Variants in SMIM35 observed in about 807,000 individuals in gnomAD.
SMIM35 encodes TMPRSS4 antisense RNA 1 (non-protein coding).
At chr11:118,071,444 G>T (rs1944569671) in intron 1 of SMIM35, among the ~76,000 whole-genome samples, 1 of 152,226 alleles carries the variant, frequency 6.6e-6, no homozygotes, top group African/African-American at 2.4e-5. Context: ...AGCCTGCTTT[G>T]CATCCCCTCA....
At chr11:118,031,734 T>G (rs2058321853) in intron 1 of SMIM35, 1 of 151,948 alleles carries the variant, frequency 6.6e-6, no homozygotes, top group Non-Finnish European at 1.5e-5. Flanking sequence ...AATAATAACT[T>G]TACAGATGGG....
At chr11:118,027,427 A>G (rs746514668) in intron 1 of SMIM35, among the ~76,000 whole-genome samples, 1 of 152,138 alleles carries the variant, frequency 6.6e-6, no homozygotes, top group African/African-American at 2.4e-5. Context: ...CCTAATAGTT[A>G]AGTAATCACC....
intron 2 of SMIM35, among the ~76,000 whole-genome samples, 160 bp from the exon 3 acceptor site, chr11:118,014,901 C>A (rs1421261356): frequency 6.6e-6 from 1 of 152,060 alleles, no homozygotes. Flanking sequence ...CCTTCAGGGC[C>A]CCCCATTAAC....
chr11:118,031,747 G>A (rs956926721), intron 1 of SMIM35: 1 of 152,042 alleles, frequency 6.6e-6, no homozygotes, highest in Non-Finnish European at 1.5e-5. Context: ...CAGATGGGAA[G>A]CTTGGCAAAC....
intron 1 of SMIM35, among the ~76,000 whole-genome samples, chr11:118,051,063 A>G (rs932475170): frequency 3.3e-5 from 5 of 152,182 alleles, no homozygotes; most frequent in African/African-American, 1.2e-4. Flanking sequence ...TGTGTGAGGG[A>G]GGTAGAGGCA....
intron 1 of SMIM35, chr11:118,029,518 A>G: frequency 7.8e-6 from 3 of 385,570 alleles, no homozygotes; most frequent in South Asian, 1.9e-5. Context: ...AGCTGGGGGA[A>G]GTTCTGCCAA....
intron 1 of SMIM35, among the ~76,000 whole-genome samples, chr11:118,065,859 G>A (rs887103996): frequency 4.6e-5 from 7 of 152,004 alleles, no homozygotes; most frequent in African/African-American, 7.3e-5. Context: ...TTCTTTGTTC[G>A]AAGCACAAAG....
intron 1 of SMIM35, among the ~76,000 whole-genome samples, chr11:118,072,973 T>A (rs1000273430): frequency 1.3e-5 from 2 of 152,248 alleles, no homozygotes. Flanking sequence ...CAGGCTGGAG[T>A]GCAGTGGCAA....
At chr11:118,026,294 T>A (rs2058273231) in intron 1 of SMIM35, among the ~76,000 whole-genome samples, 1 of 152,150 alleles carries the variant, frequency 6.6e-6, no homozygotes, top group Non-Finnish European at 1.5e-5. Context: ...GATGAGGGAG[T>A]ATTTCCTCAA....
chr11:118,069,600 TAC>T (rs1325947747), intron 1 of SMIM35, among the ~76,000 whole-genome samples: 1 of 152,190 alleles, frequency 6.6e-6, no homozygotes, highest in Non-Finnish European at 1.5e-5. Context: ...TTAGTTAGAA[TAC>T]TGCCATGGCT....
intron 1 of SMIM35, among the ~76,000 whole-genome samples, chr11:118,045,270 G>T (rs1298789846): frequency 1.3e-5 from 2 of 151,492 alleles, no homozygotes; most frequent in African/African-American, 4.8e-5. Flanking sequence ...ACGTTTTAAA[G>T]ATCAGTTCAA....
intron 1 of SMIM35, among the ~76,000 whole-genome samples, chr11:118,055,990 T>C (rs1191058569): frequency 6.6e-6 from 1 of 151,696 alleles, no homozygotes; most frequent in Non-Finnish European, 1.5e-5. Flanking sequence ...GGATGGTCAG[T>C]AGTCAGTTGC....
intron 1 of SMIM35, among the ~76,000 whole-genome samples, chr11:118,064,324 G>A (rs1025912690): frequency 2.6e-5 from 4 of 152,150 alleles, no homozygotes; most frequent in African/African-American, 9.7e-5. Flanking sequence ...GATCAGATAG[G>A]CACCAATCTG....
At chr11:118,030,178 G>A (rs767411118) in intron 1 of SMIM35, among the ~76,000 whole-genome samples, 1 of 152,066 alleles carries the variant, frequency 6.6e-6, no homozygotes, top group Non-Finnish European at 1.5e-5. Context: ...GGGATTACAG[G>A]CATGCATCAC....
rs57261529 is a variant in SMIM35, at chr11:118,048,946, C to CAAAAAAAAA, written c.8-33146_8-33138dup. Among the ~76,000 whole-genome samples the CAAAAAAAAA allele has an allele frequency of 5.5e-4, 33 of 60,484 alleles. 4 individuals are homozygous for CAAAAAAAAA. Among genetic ancestry groups the CAAAAAAAAA allele is most frequent in the African/African-American group, 2.1e-3 (29 of 13,720 alleles). The allele number at this position is 60,484 out of a possible 152,430, so 39.7% of individuals were successfully genotyped here. A position where few individuals can be genotyped will look rare whatever the true frequency, so the allele number is the denominator to read the frequency against. ...GCCTATCGCCTAGGCTGAAGAGCTG[C>CAAAAAAAAA]AAAAAAAAAAAAAAAAAAGCAAGTG... On this transcript the variant is annotated intron_variant, in intron 1 of 4. Coordinates refer to ENST00000689828, the MANE Select transcript of SMIM35 (RefSeq NM_001394165.1).
At chr11:118,083,548 T>G (rs1474933239) in intron 1 of SMIM35, among the ~76,000 whole-genome samples, 1 of 152,164 alleles carries the variant, frequency 6.6e-6, no homozygotes, top group South Asian at 2.1e-4. Context: ...CCATTAACAA[T>G]AAATAATTTT....
chr11:118,018,452 C>T (rs910193207), intron 1 of SMIM35, among the ~76,000 whole-genome samples: 4 of 152,162 alleles, frequency 2.6e-5, no homozygotes, highest in South Asian at 4.2e-4. Flanking sequence ...AACTAAGAGG[C>T]CAAGGTCAAA....
intron 1 of SMIM35, among the ~76,000 whole-genome samples, chr11:118,063,026 G>T (rs527523755): frequency 6.6e-6 from 1 of 152,144 alleles, no homozygotes; most frequent in African/African-American, 2.4e-5. Context: ...CCAGCGCCAA[G>T]ACGGTTTACA....
chr11:118,021,224 G>A (rs1019603834), intron 1 of SMIM35, among the ~76,000 whole-genome samples: 1 of 152,074 alleles, frequency 6.6e-6, no homozygotes, highest in African/African-American at 2.4e-5. Flanking sequence ...GGAAATTATT[G>A]TGAATGTTAC....
Sources: allele counts gnomAD v4.1 joint callset (sites outside exome capture counted in the v4.1 genomes callset), GRCh38; gene constraint gnomAD v4.1.1; transcripts MANE v1.5; gene names NCBI Gene and HGNC (gene_info 2026-07-23, HGNC 2026-07-21).